ZBTB37: variants seen among roughly 807,000 people sequenced by gnomAD.
ZBTB37 encodes zinc finger and BTB domain-containing protein 37.
Under a neutral mutation model 37.7 loss-of-function variants are expected in ZBTB37, and 15 were observed. The observed-to-expected ratio is 0.40, with a 90% CI of 0.27 to 0.61. The LOEUF is 0.61. ZBTB37 is among the 20% of genes least tolerant of loss of function. The pLI is 0.44. For missense variants in ZBTB37, 514 were observed against 641.9 expected (o/e 0.80, Z 2.15); for synonymous variants, 231 against 220.6 (o/e 1.05, Z -0.42).
At chr1:173,886,449 A>G (rs769647666) in exon 5 of ZBTB37, 48 of 293,958 alleles carry the variant, frequency 1.6e-4, no homozygotes, top group Non-Finnish European at 2.7e-4. Context: ...TCTATCAGTC[A>G]TGTTTGAACA....
exon 4 of ZBTB37, chr1:173,897,984 C>T (rs1220957861): frequency 1.3e-5 from 2 of 152,214 alleles, no homozygotes; most frequent in Non-Finnish European, 2.9e-5. Context: ...TCCCGGTTTA[C>T]TGCTTTTATC....
At chr1:173,875,300 TTA>T (rs990223590) in intron 4 of ZBTB37, among the ~76,000 whole-genome samples, 4 of 149,320 alleles carry the variant, frequency 2.7e-5, no homozygotes, top group Admixed American at 1.3e-4. Flanking sequence ...AGCATTTTAT[TTA>T]TATATATATG....
At chr1:173,869,650 T>TG (rs10707726) in intron 2 of ZBTB37, among the ~76,000 whole-genome samples, 51 of 151,892 alleles carry the variant, frequency 3.4e-4, no homozygotes, top group East Asian at 5.8e-4. Flanking sequence ...AGTCTTTTTG[T>TG]GGGGGGGGCT....
chr1:173,879,856 C>T (rs542868219), intron 4 of ZBTB37, among the ~76,000 whole-genome samples: 2 of 152,152 alleles, frequency 1.3e-5, no homozygotes, highest in Admixed American at 1.3e-4. Flanking sequence ...GAGGCTGCAA[C>T]AGGAGAATCA....
intron 4 of ZBTB37, among the ~76,000 whole-genome samples, chr1:173,875,204 G>T (rs1433750231): frequency 1.3e-5 from 2 of 149,448 alleles, no homozygotes; most frequent in African/African-American, 4.9e-5. Context: ...CACACACTAT[G>T]TATACTATAG....
At chr1:173,870,325 A>G in exon 3 of ZBTB37, 1 of 1,614,136 alleles carries the variant, frequency 6.2e-7, no homozygotes, top group Non-Finnish European at 8.5e-7. Context: ...TCTCTGTGAT[A>G]TTGTGGTCAA....
exon 5 of ZBTB37, chr1:173,885,767 G>A (rs1160855068): frequency 6.4e-7 from 1 of 1,551,498 alleles, no homozygotes; most frequent in African/African-American, 1.4e-5. Flanking sequence ...TCAACCAGAA[G>A]GGAAGCCTGG....
intron 4 of ZBTB37, among the ~76,000 whole-genome samples, chr1:173,881,481 T>G (rs918358189): frequency 2.0e-4 from 31 of 152,214 alleles, no homozygotes; most frequent in African/African-American, 6.3e-4. Context: ...GTAATGGGAT[T>G]GCTGAGTCAA....
exon 4 of ZBTB37, chr1:173,897,880 A>G (rs1413848127): frequency 2.0e-5 from 3 of 152,210 alleles, no homozygotes; most frequent in Admixed American, 6.5e-5. Context: ...TATCATGTTC[A>G]GATATCAATA....
chr1:173,870,897 A>G lies in ZBTB37; in HGVS notation c.672A>G (p.Thr224=), dbSNP rs954703373. ...GAGCAGGACAGTGGTATGTGGAGAC[A>G]GGAGTGGCGGACCGTGGGGGTCGGA... The change falls in exon 3 of 5, where the codon ACA becomes ACG. Residue 224 remains threonine, a synonymous_variant. Transcript: ENST00000427304. The G allele has an allele frequency of 2.5e-6, 4 of 1,614,130 alleles. No homozygotes were observed. The African/African-American group carries it at 5.3e-5, about 22-fold the overall frequency.
rs1656570068 is a variant in ZBTB37, at chr1:173,885,486, A to T, written c.1024-150A>T. 4.4e-6 allele frequency: 3 copies of T among 676,840 alleles called. No individual in the cohort carries two copies. The South Asian group carries it at 6.2e-5, about 14-fold the overall frequency. The allele number at this position is 676,840 out of a possible 1,614,324, so 41.9% of individuals were successfully genotyped here. A position where few individuals can be genotyped will look rare whatever the true frequency, so the allele number is the denominator to read the frequency against. On this transcript the variant is annotated intron_variant, in intron 4 of 4. Transcript: ENST00000427304. ...ATTTTTTAAAAATTATTATGGTAAT[A>T]TCTTTACTTTTTGGTAATAATTTTC...
chr1:173,889,136 C>G (rs771975151), downstream of ZBTB37: 3 of 152,214 alleles, frequency 2.0e-5, no homozygotes, highest in Non-Finnish European at 2.9e-5. Flanking sequence ...ATTAAAACTT[C>G]TGAAAACAAT....
exon 4 of ZBTB37, chr1:173,898,121 CA>C (rs1657121533): frequency 6.6e-6 from 1 of 151,516 alleles, no homozygotes; most frequent in South Asian, 2.1e-4. Context: ...TTTTGGGGGG[CA>C]GGGGTAGAGA....
chr1:173,869,952 T>C (rs1322773), intron 2 of ZBTB37, among the ~76,000 whole-genome samples: 8,797 of 152,266 alleles, frequency 0.058, 810 homozygotes, highest in African/African-American at 0.2. Context: ...AAGGAAAGCA[T>C]GGTCATAACA....
In ZBTB37 at chr1:173,885,740, C is replaced by T; in HGVS notation, c.1128C>T (p.Ile376=). 9 of 1,551,706 alleles carry T rather than the reference C, an allele frequency of 5.8e-6. No homozygotes were observed. The South Asian group carries it at 5.9e-5, about 10-fold the overall frequency. ...GGTACAACCCTCGTCTCACCTGCAT[C>T]TATTGCGCCAAATCTTTCAACCAGA... is the stretch of plus-strand genomic sequence containing the variant. The change falls in exon 5 of 5, where the codon ATC becomes ATT. Residue 376 remains isoleucine, a synonymous_variant. Transcript: ENST00000427304.
At chr1:173,882,174 A>C (rs1373078219) in intron 4 of ZBTB37, among the ~76,000 whole-genome samples, 2 of 149,800 alleles carry the variant, frequency 1.3e-5, no homozygotes, top group African/African-American at 4.9e-5. Context: ...CCTTTGTCGG[A>C]TGGGTAGATT....
At chr1:173,885,729 C>G in exon 5 of ZBTB37, 1 of 1,551,766 alleles carries the variant, frequency 6.4e-7, no homozygotes, top group Non-Finnish European at 8.7e-7. Flanking sequence ...CAACCCTCGT[C>G]TCACCTGCAT....
chr1:173,896,954 T>C (rs1435320744), exon 4 of ZBTB37: 3 of 152,216 alleles, frequency 2.0e-5, no homozygotes, highest in Admixed American at 6.5e-5. Flanking sequence ...AGCAGAAATA[T>C]TTAGAATGTA....
chr1:173,873,362 GT>G (rs1337848652), intron 3 of ZBTB37, 104 bp from the exon 4 acceptor site: 30 of 1,207,004 alleles, frequency 2.5e-5, no homozygotes, highest in Admixed American at 1.1e-4. Context: ...TGCTTGGTTT[GT>G]TCCCCCTTCC....
Sources: gnomAD v4.1 joint callset for allele counts (sites outside exome capture counted in the v4.1 genomes callset) on GRCh38, gnomAD v4.1.1 for gene constraint, MANE v1.5 for transcripts, NCBI Gene and HGNC (gene_info 2026-07-23, HGNC 2026-07-21) for gene names.